FOCAD: variants seen among roughly 807,000 people sequenced by gnomAD.
FOCAD encodes the protein focadhesin, also known as KIAA1797.
A neutral mutation model predicts 225.6 loss-of-function variants in FOCAD; 198 were observed. That is an observed-to-expected ratio of 0.88 (90% CI 0.78 to 0.99). FOCAD has a LOEUF of 0.99. Among genes scored for constraint, FOCAD ranks in the 50% least tolerant of loss-of-function variants. The probability of loss-of-function intolerance (pLI) is 0.00; values close to 1 mark genes in which losing one functional copy is unlikely to be tolerated. For synonymous variants in FOCAD, 897 were observed against 755.0 expected (o/e 1.19, Z -3.08); for missense variants, 2,713 against 2,123.6 (o/e 1.28, Z -5.46).
chr9:20,710,292 G>C (rs371534632), intron 1 of FOCAD, among the ~76,000 whole-genome samples: 2 of 137,610 alleles, frequency 1.5e-5, no homozygotes, highest in Non-Finnish European at 3.1e-5. Context: ...GCTTTATCCA[G>C]GGTTTGCTTA....
intron 24 of FOCAD, 137 bp from the exon 25 acceptor site, chr9:20,923,523 A>G: frequency 1.6e-6 from 1 of 616,364 alleles, no homozygotes; most frequent in Non-Finnish European, 2.9e-6. Flanking sequence ...CTAACACAAC[A>G]AACAGACCTG....
intron 15 of FOCAD, among the ~76,000 whole-genome samples, chr9:20,855,347 T>C (rs1430304153): frequency 6.6e-6 from 1 of 151,682 alleles, no homozygotes; most frequent in African/African-American, 2.4e-5. Context: ...ACTGGAGGAA[T>C]AGATGGAAGG....
intron 15 of FOCAD, among the ~76,000 whole-genome samples, chr9:20,826,626 C>A (rs1413160609): frequency 1.3e-5 from 2 of 152,030 alleles, no homozygotes; most frequent in Non-Finnish European, 2.9e-5. Context: ...TCTAGAGAAC[C>A]CTAATTAATA....
chr9:20,739,379 G>A (rs1336676486), intron 4 of FOCAD, among the ~76,000 whole-genome samples: 4 of 152,260 alleles, frequency 2.6e-5, no homozygotes, highest in South Asian at 2.1e-4. Flanking sequence ...TGAGGCAGGC[G>A]GGTCACCTAA....
Position 20,866,915 on chromosome 9 carries a change from T to TTTTTTTTTTTTTTTTTTTTTTTTTC in FOCAD, c.2107-12_2107-11insTTTTTTTTTTTTTTTTTTTTTTCTT. The TTTTTTTTTTTTTTTTTTTTTTTTTC allele has an allele frequency of 1.1e-6, 1 of 951,732 alleles. No homozygotes were observed. Among genetic ancestry groups the TTTTTTTTTTTTTTTTTTTTTTTTTC allele is most frequent in the Non-Finnish European group, 1.5e-6 (1 of 657,954 alleles). The allele number at this position is 951,732 out of a possible 1,614,324, so 59.0% of individuals were successfully genotyped here. A position where few individuals can be genotyped will look rare whatever the true frequency, so the allele number is the denominator to read the frequency against. ...TTTTTTTTTTTTTTTTTTTTTTTTTTTTACCCTATCTAGGACCCAATTGTA... is the reference window on the plus strand; with the variant it reads ...TTTTTTTTTTTTTTTTTTTTTTTTTTTTTTTTTTTTTTTTTTTTTTTTTTCTTACCCTATCTAGGACCCAATTGTA... On this transcript the variant is annotated splice_polypyrimidine_tract_variant and intron_variant, in intron 17 of 43. Transcript: ENST00000338382.
At chr9:20,708,084 A>G (rs1387905450) in intron 1 of FOCAD, among the ~76,000 whole-genome samples, 1 of 152,182 alleles carries the variant, frequency 6.6e-6, no homozygotes, top group Non-Finnish European at 1.5e-5. Context: ...TTTTTGAGGG[A>G]CAGGGTCAGT....
At chr9:20,748,107 GT>G (rs922239519) in intron 5 of FOCAD, among the ~76,000 whole-genome samples, 3 of 151,928 alleles carry the variant, frequency 2.0e-5, no homozygotes, top group Non-Finnish European at 2.9e-5. Context: ...ATCTCCTGAG[GT>G]ATAAATGTTT....
At chr9:20,738,165 C>T (rs967158812) in intron 4 of FOCAD, among the ~76,000 whole-genome samples, 1 of 152,130 alleles carries the variant, frequency 6.6e-6, no homozygotes, top group African/African-American at 2.4e-5. Flanking sequence ...TAAGAGGAGT[C>T]TAGAAATTCA....
At chr9:20,952,819 C>G (rs959349349) in intron 34 of FOCAD, among the ~76,000 whole-genome samples, 166 bp from the exon 35 acceptor site, 3 of 152,142 alleles carry the variant, frequency 2.0e-5, no homozygotes, top group Non-Finnish European at 4.4e-5. Flanking sequence ...AGGCCAGTCA[C>G]TTAATCTAAT....
chr9:20,732,974 C>T (rs1826839365), intron 4 of FOCAD, among the ~76,000 whole-genome samples: 1 of 152,122 alleles, frequency 6.6e-6, no homozygotes, highest in Admixed American at 6.6e-5. Flanking sequence ...AATTCAGATG[C>T]TGAAGTGGAA....
intron 20 of FOCAD, among the ~76,000 whole-genome samples, chr9:20,883,548 G>C (rs941866173): frequency 1.3e-5 from 2 of 152,222 alleles, no homozygotes; most frequent in Admixed American, 1.3e-4. Flanking sequence ...CTTAGAGTTT[G>C]TCCTCTGATG....
intron 2 of FOCAD, among the ~76,000 whole-genome samples, chr9:20,673,758 C>T (rs879525239): frequency 2.6e-5 from 4 of 152,092 alleles, no homozygotes; most frequent in East Asian, 1.9e-4. Context: ...GCGTGCCACA[C>T]GTGGTGTCTC....
chr9:20,840,406 T>C (rs765947684), intron 15 of FOCAD, among the ~76,000 whole-genome samples: 12 of 145,966 alleles, frequency 8.2e-5, no homozygotes, highest in Non-Finnish European at 1.7e-4. Flanking sequence ...TATATTTAGG[T>C]ATTTTATTTT....
rs756048877 is a variant in FOCAD, at chr9:20,978,454, T to C, written c.4377T>C (p.Ser1459=). The C allele has an allele frequency of 1.9e-6, 3 of 1,594,462 alleles. No individual in the cohort carries two copies. In the South Asian group the frequency reaches 3.4e-5, roughly 18 times the overall value. Residue 1459 remains serine, a splice_region_variant and synonymous_variant, in exon 37 of 44, where the codon AGT becomes AGC. Coordinates refer to ENST00000338382, the MANE Select transcript of FOCAD (RefSeq NM_001375567.1). The part of the protein sequence containing the change: ...WVTPPLIHSL[S]LNTKRYLLIS... The stretch of plus-strand genomic sequence containing the variant: ...CACCACCACTGATCCACAGTCTGAG[T>C]GTATGTAGTAACTAAGGGTGTTGGC...
At chr9:20,951,248 A>C in intron 34 of FOCAD, 150 bp downstream of exon 34, 1 of 637,814 alleles carries the variant, frequency 1.6e-6, no homozygotes, top group Non-Finnish European at 2.7e-6. Context: ...TGGTGTATGG[A>C]AAGGCTTCCT....
intron 40 of FOCAD, 125 bp downstream of exon 40, chr9:20,986,590 G>A: frequency 2.7e-6 from 2 of 745,910 alleles, no homozygotes; most frequent in Admixed American, 3.6e-5. Context: ...TAGGCCTTCT[G>A]GTGCCAAATG....
In FOCAD at chr9:20,685,207, T is replaced by G. The variant is rs535665813; in HGVS notation, c.-33+914T>G. On this transcript the variant is annotated intron_variant, in intron 1 of 43. Coordinates refer to ENST00000338382, the MANE Select transcript of FOCAD (RefSeq NM_001375567.1). ...GATTTGAGTTGGAAATTTTTTTTTT[T>G]TTTGTTATTTTCAGGTTCTAGTATC... 3.9e-5 allele frequency among the ~76,000 whole-genome samples: 6 copies of G among 152,038 alleles called. No individual in the cohort carries two copies. The South Asian group carries it at 1.3e-3, about 32-fold the overall frequency.
chr9:20,721,540 A>T (rs896654471), intron 4 of FOCAD, among the ~76,000 whole-genome samples: 2 of 152,040 alleles, frequency 1.3e-5, no homozygotes, highest in African/African-American at 4.8e-5. Context: ...TGTCTCTACT[A>T]AAAATACAAA....
At chr9:20,961,804 T>G (rs1041640291) in intron 35 of FOCAD, among the ~76,000 whole-genome samples, 67 of 152,128 alleles carry the variant, frequency 4.4e-4, no homozygotes, top group African/African-American at 1.3e-3. Flanking sequence ...CTCACTCAGG[T>G]CTCCACTGGG....
Sources: gnomAD v4.1 joint callset for allele counts (sites outside exome capture counted in the v4.1 genomes callset) on GRCh38, gnomAD v4.1.1 for gene constraint, MANE v1.5 for transcripts, NCBI Gene and HGNC (gene_info 2026-07-23, HGNC 2026-07-21) for gene names.